CACUL1: variants seen among roughly 807,000 people sequenced by gnomAD.
CACUL1 encodes the protein CDK2-associated and cullin domain-containing protein 1.
In CACUL1, 13 loss-of-function variants were observed where a neutral mutation model predicts 45.2. That is an observed-to-expected ratio of 0.29 (90% CI 0.19 to 0.46). The LOEUF is 0.46. Ranked by LOEUF, CACUL1 falls within the 20% of genes least tolerant of loss-of-function variation. The pLI is 1.00. For synonymous variants in CACUL1, 197 were observed against 174.2 expected (o/e 1.13, Z -1.03); for missense variants, 421 against 471.4 (o/e 0.89, Z 0.99).
intron 3 of CACUL1, among the ~76,000 whole-genome samples, chr10:118,710,176 T>G (rs1209385894): frequency 1.3e-5 from 2 of 151,820 alleles, no homozygotes; most frequent in Admixed American, 6.6e-5. Flanking sequence ...CCCTCCTGCC[T>G]CAGCCTCCCA....
intron 1 of CACUL1, among the ~76,000 whole-genome samples, chr10:118,742,702 A>G (rs181719320): frequency 1.3e-5 from 2 of 152,284 alleles, no homozygotes; most frequent in East Asian, 3.9e-4. Context: ...CCCTGCCATG[A>G]TATTACCTGA....
Position 118,678,725 on chromosome 10 carries a change from C to A in CACUL1, c.*7403G>T, listed in dbSNP as rs1482830246. 1 of 152,016 alleles carries A rather than the reference C, an allele frequency of 6.6e-6. No homozygotes were observed. Among genetic ancestry groups the A allele is most frequent in the African/African-American group, 2.4e-5 (1 of 41,356 alleles). 9.4% of individuals were successfully genotyped at this position (152,016 alleles called of 1,614,324 possible). On this transcript the variant is annotated 3_prime_UTR_variant, in exon 9 of 9. Coordinates refer to ENST00000369151, the MANE Select transcript of CACUL1 (RefSeq NM_153810.5). The stretch of plus-strand genomic sequence containing the variant: ...TACATTAAAAAGCCAATCTTGTATT[C>A]CTGAGACCAATCCATTTTGGTCATC...
Position 118,707,501 on chromosome 10 carries a change from G to A in CACUL1, c.684C>T (p.Phe228=). 3 of 1,504,134 alleles carry A rather than the reference G, an allele frequency of 2.0e-6. No individual in the cohort carries two copies. The highest frequency in any genetic ancestry group is 2.8e-6 in the Non-Finnish European group (3 of 1,081,448). The allele number at this position is 1,504,134 out of a possible 1,614,324, so 93.2% of individuals were successfully genotyped here. A position where few individuals can be genotyped will look rare whatever the true frequency, so the allele number is the denominator to read the frequency against. Residue 228 remains phenylalanine (F), a synonymous_variant, in exon 4 of 9, where the codon TTC becomes TTT. Coordinates refer to ENST00000369151, the MANE Select transcript of CACUL1 (RefSeq NM_153810.5). The stretch of plus-strand genomic sequence containing the variant: ...AGGAGCTCTTACTTACCATATATAT[G>A]AAAAGAGGCACAATGCTCTGCAATG... ...MGALQSIVPL[F]IYMNKFYIET...
chr10:118,710,592 A>G (rs1845475248), intron 3 of CACUL1, among the ~76,000 whole-genome samples: 1 of 152,098 alleles, frequency 6.6e-6, no homozygotes, highest in Non-Finnish European at 1.5e-5. Flanking sequence ...AACTTCTCCT[A>G]GTCATTCCTT....
chr10:118,694,866 A>G (rs1564828885), intron 6 of CACUL1: 1 of 286,954 alleles, frequency 3.5e-6, no homozygotes, highest in Non-Finnish European at 6.9e-6. Context: ...AAGACCAAAC[A>G]TGAGATTCAA....
At position 118,686,648 on chromosome 10, in the gene CACUL1, A is replaced by G; in HGVS notation, c.1026-7T>C. The G allele has an allele frequency of 6.2e-7, 1 of 1,611,356 alleles. No homozygotes were observed. Among genetic ancestry groups the G allele is most frequent in the Non-Finnish European group, 8.5e-7 (1 of 1,177,516 alleles). ...CTTCCGGGACTGGTCACCCCTGGGGATAAGAAGAGGCAGTCAACAAAACTG... is the reference window on the plus strand; with the variant it reads ...CTTCCGGGACTGGTCACCCCTGGGGGTAAGAAGAGGCAGTCAACAAAACTG... On this transcript the variant is annotated splice_polypyrimidine_tract_variant and splice_region_variant and intron_variant, in intron 7 of 8. Coordinates refer to ENST00000369151, the MANE Select transcript of CACUL1 (RefSeq NM_153810.5).
rs529164106 is a variant in CACUL1 at position 118,678,166 on chromosome 10, T to C, written c.*7962A>G. The C allele has an allele frequency of 1.3e-5, 2 of 152,358 alleles. No individual in the cohort carries two copies. Among genetic ancestry groups the C allele is most frequent in the Non-Finnish European group, 2.9e-5 (2 of 68,030 alleles). The allele number at this position is 152,358 out of a possible 1,614,324, so 9.4% of individuals were successfully genotyped here. Reference sequence around the variant, plus strand: ...TTTGGGGTCCGTCTCTCCTGAGTTGTTTTCATTGCTGATTTGCATTCAGGT... The same window carrying C: ...TTTGGGGTCCGTCTCTCCTGAGTTGCTTTCATTGCTGATTTGCATTCAGGT... On this transcript the variant is annotated 3_prime_UTR_variant, in exon 9 of 9. Transcript: ENST00000369151.
At chr10:118,702,056 G>A (rs1471184425) in intron 4 of CACUL1, among the ~76,000 whole-genome samples, 1 of 152,148 alleles carries the variant, frequency 6.6e-6, no homozygotes, top group African/African-American at 2.4e-5. Flanking sequence ...AGTGAAAATG[G>A]CCGGTTTCTG....
chr10:118,736,041 T>C (rs1467060362), intron 1 of CACUL1, among the ~76,000 whole-genome samples: 1 of 152,192 alleles, frequency 6.6e-6, no homozygotes, highest in Non-Finnish European at 1.5e-5. Flanking sequence ...TCTGCCTGAA[T>C]GTTCCAGCAA....
chr10:118,707,471 G>T, intron 4 of CACUL1, 21 bp downstream of exon 4: 1 of 1,120,468 alleles, frequency 8.9e-7, no homozygotes, highest in Non-Finnish European at 1.4e-6. Flanking sequence ...ATTTGGGAAG[G>T]AGGAAGGAGC....
intron 7 of CACUL1, among the ~76,000 whole-genome samples, chr10:118,689,462 G>A (rs550657535): frequency 4.6e-5 from 7 of 152,174 alleles, no homozygotes; most frequent in Admixed American, 3.9e-4. Context: ...ATCATCCCTT[G>A]GAATACTGCC....
intron 1 of CACUL1, among the ~76,000 whole-genome samples, chr10:118,740,740 C>G (rs1845784234): frequency 6.6e-6 from 1 of 152,034 alleles, no homozygotes; most frequent in South Asian, 2.1e-4. Flanking sequence ...TCCTGGCTAA[C>G]ACGGTGAAAC....
Position 118,686,716 on chromosome 10 carries a change from A to T in CACUL1, c.1026-75T>A, listed in dbSNP as rs1240781479. The T allele has an allele frequency of 1.1e-5, 11 of 1,042,156 alleles. No individual in the cohort carries two copies. In the South Asian group the frequency reaches 1.4e-4, roughly 13 times the overall value. The allele number at this position is 1,042,156 out of a possible 1,614,324, so 64.6% of individuals were successfully genotyped here. On this transcript the variant is annotated intron_variant, in intron 7 of 8. Coordinates refer to ENST00000369151, the MANE Select transcript of CACUL1 (RefSeq NM_153810.5). ...GAGGAAAGGATCAACATATTTGATA[A>T]TAAAAGTATAGCAGACATTTCAGTT...
In CACUL1 at chr10:118,681,259, G is replaced by C. The variant is rs1196560076; in HGVS notation, c.*4869C>G. The C allele has an allele frequency of 6.6e-6, 1 of 152,240 alleles. No homozygotes were observed. The highest frequency in any genetic ancestry group is 2.4e-5 in the African/African-American group (1 of 41,452). The allele number at this position is 152,240 out of a possible 1,614,324, so 9.4% of individuals were successfully genotyped here. Reference sequence around the variant, plus strand: ...TCATTGCTTCATCCTTGCTCTGGCTGTGCTAGTGAGTGGCAAAAGCCTCTT... The same window carrying C: ...TCATTGCTTCATCCTTGCTCTGGCTCTGCTAGTGAGTGGCAAAAGCCTCTT... On this transcript the variant is annotated 3_prime_UTR_variant, in exon 9 of 9. Transcript: ENST00000369151.
chr10:118,727,537 A>C (rs1179207544), intron 3 of CACUL1, among the ~76,000 whole-genome samples: 1 of 152,180 alleles, frequency 6.6e-6, no homozygotes, highest in Non-Finnish European at 1.5e-5. Flanking sequence ...TAGTAGGGTG[A>C]GGGAAAACAG....
At position 118,707,607 on chromosome 10, in the gene CACUL1, T is replaced by C; in HGVS notation, c.598-20A>G. 2.5e-6 allele frequency: 3 copies of C among 1,211,136 alleles called. No individual in the cohort carries two copies. The highest frequency in any genetic ancestry group is 3.6e-6 in the Non-Finnish European group (3 of 830,626). The allele number at this position is 1,211,136 out of a possible 1,614,324, so 75.0% of individuals were successfully genotyped here. On this transcript the variant is annotated intron_variant, in intron 3 of 8. Transcript: ENST00000369151. ...GCTGGCCTGTGAGAAAGAACAGAAGTGTGATCAATCTGGGAAACCAGGGAA... is the reference window on the plus strand; with the variant it reads ...GCTGGCCTGTGAGAAAGAACAGAAGCGTGATCAATCTGGGAAACCAGGGAA...
intron 3 of CACUL1, among the ~76,000 whole-genome samples, chr10:118,725,461 C>G (rs1390986858): frequency 6.6e-6 from 1 of 152,118 alleles, no homozygotes; most frequent in Non-Finnish European, 1.5e-5. Context: ...GACTGAGACA[C>G]TGTCTCATAA....
At position 118,723,640 on chromosome 10, in the gene CACUL1, T is replaced by G. The variant is rs535590051; in HGVS notation, c.597+5655A>C. Among the ~76,000 whole-genome samples, 6 of 152,320 alleles carry G rather than the reference T, an allele frequency of 3.9e-5. No individual in the cohort carries two copies. The East Asian group carries it at 9.6e-4, about 24-fold the overall frequency. ...ATGCCTCATTTCCTACTATGACTAG[T>G]TATTTCTGATTAAGTGCCAGATACT... is the stretch of plus-strand genomic sequence containing the variant. On this transcript the variant is annotated intron_variant, in intron 3 of 8. Coordinates refer to ENST00000369151, the MANE Select transcript of CACUL1 (RefSeq NM_153810.5).
At chr10:118,754,350 A>AGTGAGGTG (rs777726209) in intron 1 of CACUL1, 46 bp downstream of exon 1, 2 of 1,453,036 alleles carry the variant, frequency 1.4e-6, no homozygotes, top group African/African-American at 3.0e-5. Flanking sequence ...TCGGCGTCCG[A>AGTGAGGTG]GTGAGGTGGA....
Sources: allele counts gnomAD v4.1 joint callset (sites outside exome capture counted in the v4.1 genomes callset), GRCh38; gene constraint gnomAD v4.1.1; transcripts MANE v1.5; gene names NCBI Gene and HGNC (gene_info 2026-07-23, HGNC 2026-07-21).